Variants in JTB observed in about 807,000 individuals in gnomAD.
JTB encodes the protein protein JTB.
JTB carries 10 observed loss-of-function variants against 22.1 expected under a neutral mutation model. The observed-to-expected ratio is 0.45, with a 90% CI of 0.28 to 0.77. JTB has a LOEUF of 0.77. Among genes scored for constraint, JTB ranks in the 30% least tolerant of loss-of-function variants. The probability of loss-of-function intolerance (pLI) is 0.13; values close to 1 mark genes in which losing one functional copy is unlikely to be tolerated. For synonymous variants in JTB, 83 were observed against 66.8 expected (o/e 1.24, Z -1.18); for missense variants, 137 against 180.3 (o/e 0.76, Z 1.38).
Position 153,977,402 on chromosome 1 carries a change from AG to A in JTB, c.-151del, listed in dbSNP as rs1648833775. 2 of 1,423,252 alleles carry A rather than the reference AG, an allele frequency of 1.4e-6. No individual in the cohort carries two copies. Among genetic ancestry groups the A allele is most frequent in the Non-Finnish European group, 1.8e-6 (2 of 1,093,410 alleles). 88.2% of individuals were successfully genotyped at this position (1,423,252 alleles called of 1,614,324 possible). On this transcript the variant is annotated 5_prime_UTR_variant, in exon 1 of 5. Coordinates refer to ENST00000271843, the MANE Select transcript of JTB (RefSeq NM_006694.4). ...AGGCCGGAGTTGCCTATTGGAGCAG[AG>A]GATCTATCAGGACGTCCCCGTTGCC...
intron 4 of JTB, 68 bp from the exon 5 acceptor site, chr1:153,974,903 A>G: frequency 6.6e-7 from 1 of 1,520,626 alleles, no homozygotes; most frequent in Non-Finnish European, 9.0e-7. Flanking sequence ...TTTCCCTTCT[A>G]CTTCAGCCTA....
At position 153,977,219 on chromosome 1, in the gene JTB, GGGGGAGGCCAGGCCTCCC is replaced by G; in HGVS notation, c.16_33del (p.Gly6_Pro11del). 1 of 1,614,138 alleles carries G rather than the reference GGGGGAGGCCAGGCCTCCC, an allele frequency of 6.2e-7. No individual in the cohort carries two copies. The highest frequency in any genetic ancestry group is 8.5e-7 in the Non-Finnish European group (1 of 1,180,008). ...AGCAACCAGCAGAGGTGGCGGCCCT[GGGGGAGGCCAGGCCTCCC>G]GGCACCCGCAAGCATGGAGCGCCAA... On this transcript the variant is annotated inframe_deletion, in exon 1 of 5. Coordinates refer to ENST00000271843, the MANE Select transcript of JTB (RefSeq NM_006694.4).
chr1:153,975,757 A>G, intron 4 of JTB, 69 bp downstream of exon 4: 1 of 1,233,640 alleles, frequency 8.1e-7, no homozygotes, highest in Non-Finnish European at 1.2e-6. Flanking sequence ...CCAGGGGAAA[A>G]GGTGGGACCA....
chr1:153,977,668 C>T lies in JTB; in HGVS notation c.-416G>A. 1 of 990,068 alleles carries T rather than the reference C, an allele frequency of 1.0e-6. No homozygotes were observed. Among genetic ancestry groups the T allele is most frequent in the Non-Finnish European group, 1.2e-6 (1 of 832,814 alleles). The allele number at this position is 990,068 out of a possible 1,614,324, so 61.3% of individuals were successfully genotyped here. On this transcript the variant is annotated 5_prime_UTR_variant, in exon 1 of 5. Transcript: ENST00000271843. ...GCCCGCTGGGGCTTATAGTCTTCCG[C>T]GTCGGTGGCGCCTCGCCTGCTGCTC...
chr1:153,977,036 G>T, intron 1 of JTB, 23 bp from the exon 2 acceptor site: 2 of 1,614,148 alleles, frequency 1.2e-6, no homozygotes, highest in South Asian at 1.1e-5. Flanking sequence ...TGGGGGAAGG[G>T]ACAAAAGTCA....
chr1:153,974,582 A>C lies in JTB; in HGVS notation c.*97T>G, dbSNP rs1648712305. The stretch of plus-strand genomic sequence containing the variant: ...AAGATGGGGAAAAGGGGATTCCACC[A>C]CAAGGCTCCAAAGAACCAAGAGTGC... On this transcript the variant is annotated 3_prime_UTR_variant, in exon 5 of 5. Coordinates refer to ENST00000271843, the MANE Select transcript of JTB (RefSeq NM_006694.4). 2.0e-6 allele frequency: 2 copies of C among 1,025,228 alleles called. No individual in the cohort carries two copies. The highest frequency in any genetic ancestry group is 1.6e-5 in the African/African-American group (1 of 63,020). 63.5% of individuals were successfully genotyped at this position (1,025,228 alleles called of 1,614,324 possible).
At chr1:153,976,887 C>T in intron 2 of JTB, 89 bp downstream of exon 2, 1 of 1,602,076 alleles carries the variant, frequency 6.2e-7, no homozygotes, top group Non-Finnish European at 8.6e-7. Context: ...TGGTGCCGGC[C>T]TTTTCCACCT....
Position 153,977,613 on chromosome 1 carries a change from G to A in JTB, c.-361C>T. On this transcript the variant is annotated 5_prime_UTR_variant, in exon 1 of 5. Coordinates refer to ENST00000271843, the MANE Select transcript of JTB (RefSeq NM_006694.4). Reference sequence around the variant, plus strand: ...CCTCGGGCGCGGGACCGAGCTCGGGGCCCGGTGTTCCCGGGGGCGTTCGGT... The same window carrying A: ...CCTCGGGCGCGGGACCGAGCTCGGGACCCGGTGTTCCCGGGGGCGTTCGGT... The A allele has an allele frequency of 9.8e-7, 1 of 1,024,666 alleles. No homozygotes were observed. Among genetic ancestry groups the A allele is most frequent in the Non-Finnish European group, 1.2e-6 (1 of 854,546 alleles). 63.5% of individuals were successfully genotyped at this position (1,024,666 alleles called of 1,614,324 possible).
At position 153,976,659 on chromosome 1, in the gene JTB, TAA is replaced by T. The variant is rs371751474; in HGVS notation, c.204+32_204+33del. 849 of 1,188,238 alleles carry T rather than the reference TAA, an allele frequency of 7.1e-4. 4 individuals carry two copies. In the African/African-American group the frequency reaches 0.011, roughly 15 times the overall value. The allele number at this position is 1,188,238 out of a possible 1,614,324, so 73.6% of individuals were successfully genotyped here. ...TTGCTTAAGTGTTTGCTTAGATGTT[TAA>T]AAAAAAAAAGGGTAGAGAAATAGAT... On this transcript the variant is annotated intron_variant, in intron 3 of 4. Transcript: ENST00000271843.
At chr1:153,974,919 G>A in intron 4 of JTB, 84 bp from the exon 5 acceptor site, 1 of 1,404,836 alleles carries the variant, frequency 7.1e-7, no homozygotes. Flanking sequence ...GCCTAGCCAG[G>A]ATACACTCAA....
Position 153,977,544 on chromosome 1 carries a change from C to G in JTB, c.-292G>C. ...GCTCGCGGCCCTAGCGCCCGCTCACCTCCGCTCCCGCCCCCGACGCAGCCA... is the reference window on the plus strand; with the variant it reads ...GCTCGCGGCCCTAGCGCCCGCTCACGTCCGCTCCCGCCCCCGACGCAGCCA... On this transcript the variant is annotated 5_prime_UTR_variant, in exon 1 of 5. Transcript: ENST00000271843. The G allele has an allele frequency of 8.8e-7, 1 of 1,135,304 alleles. No homozygotes were observed. The highest frequency in any genetic ancestry group is 1.1e-6 in the Non-Finnish European group (1 of 921,488). 70.3% of individuals were successfully genotyped at this position (1,135,304 alleles called of 1,614,324 possible). A position where few individuals can be genotyped will look rare whatever the true frequency, so the allele number is the denominator to read the frequency against.
rs374522352 is a variant in JTB at position 153,975,121 on chromosome 1, CTTCT to C, written c.285-290_285-287del. Reference sequence around the variant, plus strand: ...CAAGTAATTTGGCTCCAAATCCCGTCTTCTTTCTTATTATTTTTGAGATGGTGTC... The same window carrying C: ...CAAGTAATTTGGCTCCAAATCCCGTCTTCTTATTATTTTTGAGATGGTGTC... On this transcript the variant is annotated intron_variant, in intron 4 of 4. Transcript: ENST00000271843. Among the ~76,000 whole-genome samples, 174 of 152,224 alleles carry C rather than the reference CTTCT, an allele frequency of 1.1e-3. 1 individual carries two copies. The highest frequency in any genetic ancestry group is 3.5e-3 in the African/African-American group (147 of 41,542).
At position 153,977,354 on chromosome 1, in the gene JTB, G is replaced by C; in HGVS notation, c.-102C>G. On this transcript the variant is annotated 5_prime_UTR_variant, in exon 1 of 5. Coordinates refer to ENST00000271843, the MANE Select transcript of JTB (RefSeq NM_006694.4). ...CGGCACTTACTCTGCAGCCCTCCCA[G>C]AGGTTCCAGGTCAGGGCAGGGAAGG... The C allele has an allele frequency of 6.5e-7, 1 of 1,528,098 alleles. No individual in the cohort carries two copies. Among genetic ancestry groups the C allele is most frequent in the Non-Finnish European group, 8.8e-7 (1 of 1,142,440 alleles). The allele number at this position is 1,528,098 out of a possible 1,614,324, so 94.7% of individuals were successfully genotyped here. A position where few individuals can be genotyped will look rare whatever the true frequency, so the allele number is the denominator to read the frequency against.
In JTB at chr1:153,974,636, G is replaced by A. The variant is rs1055728041; in HGVS notation, c.*43C>T. 1 of 1,558,662 alleles carries A rather than the reference G, an allele frequency of 6.4e-7. No individual in the cohort carries two copies. The stretch of plus-strand genomic sequence containing the variant: ...TCAGTCCATTTCACTTTCACTGTCT[G>A]AGATAGGGTCTCTAAGACCCAGGAT... On this transcript the variant is annotated 3_prime_UTR_variant, in exon 5 of 5. Transcript: ENST00000271843.
Position 153,977,542 on chromosome 1 carries a change from A to C in JTB, c.-290T>G, listed in dbSNP as rs1571124029. ...GGGCTCGCGGCCCTAGCGCCCGCTC[A>C]CCTCCGCTCCCGCCCCCGACGCAGC... On this transcript the variant is annotated 5_prime_UTR_variant, in exon 1 of 5. Coordinates refer to ENST00000271843, the MANE Select transcript of JTB (RefSeq NM_006694.4). 1 of 1,122,276 alleles carries C rather than the reference A, an allele frequency of 8.9e-7. No homozygotes were observed. Among genetic ancestry groups the C allele is most frequent in the Non-Finnish European group, 1.1e-6 (1 of 916,284 alleles). The allele number at this position is 1,122,276 out of a possible 1,614,324, so 69.5% of individuals were successfully genotyped here. A position where few individuals can be genotyped will look rare whatever the true frequency, so the allele number is the denominator to read the frequency against.
chr1:153,977,394 T>C lies in JTB; in HGVS notation c.-142A>G, dbSNP rs1648833554. The stretch of plus-strand genomic sequence containing the variant: ...GGCAGGGAAGGCCGGAGTTGCCTAT[T>C]GGAGCAGAGGATCTATCAGGACGTC... On this transcript the variant is annotated 5_prime_UTR_variant, in exon 1 of 5. Transcript: ENST00000271843. 6.9e-7 allele frequency: 1 copy of C among 1,442,510 alleles called. No individual in the cohort carries two copies. Among genetic ancestry groups the C allele is most frequent in the African/African-American group, 1.4e-5 (1 of 70,048 alleles). The allele number at this position is 1,442,510 out of a possible 1,614,324, so 89.4% of individuals were successfully genotyped here.
chr1:153,974,766 C>G lies in JTB; in HGVS notation c.354G>C (p.Leu118=). The G allele has an allele frequency of 6.2e-7, 1 of 1,613,762 alleles. No homozygotes were observed. Among genetic ancestry groups the G allele is most frequent in the Non-Finnish European group, 8.5e-7 (1 of 1,179,702 alleles). ...KFEGAVVCVA[L]IFACLVIIRQ... is the part of the protein sequence containing the mutation. ...GAATGATGACAAGACAAGCGAAGAT[C>G]AGGGCCACACACACGACAGCCCCTT... The change falls in exon 5 of 5, where the codon CTG becomes CTC. Residue 118 remains leucine, a synonymous_variant. Coordinates refer to ENST00000271843, the MANE Select transcript of JTB (RefSeq NM_006694.4).
chr1:153,974,682 T>C lies in JTB; in HGVS notation c.438A>G (p.Ile146Met), dbSNP rs1360000133. 2 of 1,612,092 alleles carry C rather than the reference T, an allele frequency of 1.2e-6. No homozygotes were observed. Among genetic ancestry groups the C allele is most frequent in the African/African-American group, 2.7e-5 (2 of 75,026 alleles). ...LEKVRKQIESI is the reference protein window; with the variant it reads ...LEKVRKQIESM ...AGGATACAAGGGTGGAATGTAGCTA[T>C]ATGGACTCGATTTGCTTCCGGACCT... is the stretch of plus-strand genomic sequence containing the variant. The change falls in exon 5 of 5, where the codon ATA (isoleucine) becomes ATG (methionine). Residue 146 changes from isoleucine (I) to methionine (M), a missense_variant. Physicochemically the swap from Ile to Met is conservative, Grantham distance 10 (BLOSUM62 1). Coordinates refer to ENST00000271843, the MANE Select transcript of JTB (RefSeq NM_006694.4).
Position 153,977,199 on chromosome 1 carries a change from C to T in JTB, c.54G>A (p.Trp18Ter). The T allele has an allele frequency of 5.6e-6, 9 of 1,614,224 alleles. No individual in the cohort carries two copies. Among genetic ancestry groups the T allele is most frequent in the Non-Finnish European group, 7.6e-6 (9 of 1,180,026 alleles). The part of the protein sequence containing the change: ...PGLPQGRHLC[W>*]LLCAFTLKLC... The stretch of plus-strand genomic sequence containing the variant: ...GCTTTAAGGTGAAAGCACAGAGCAA[C>T]CAGCAGAGGTGGCGGCCCTGGGGGA... The change falls in exon 1 of 5, where the codon TGG (tryptophan) becomes TGA (stop). Residue 18 changes from tryptophan to a stop codon, truncating the protein, a stop_gained. Transcript: ENST00000271843. LOFTEE classifies it high-confidence loss of function.
Sources: allele counts gnomAD v4.1 joint callset (sites outside exome capture counted in the v4.1 genomes callset), GRCh38; gene constraint gnomAD v4.1.1; transcripts MANE v1.5; gene names NCBI Gene and HGNC (gene_info 2026-07-23, HGNC 2026-07-21).